RAB3C: variants seen among roughly 807,000 people sequenced by gnomAD.
The protein encoded by RAB3C is ras-related protein Rab-3C.
A neutral mutation model predicts 26.4 loss-of-function variants in RAB3C; 17 were observed. The observed-to-expected ratio is 0.64, with a 90% CI of 0.44 to 0.97. RAB3C has a LOEUF of 0.97. RAB3C is among the 50% of genes least tolerant of loss of function. The pLI is 0.00. For missense variants in RAB3C, 242 were observed against 281.9 expected (o/e 0.86, Z 1.01); for synonymous variants, 91 against 95.9 (o/e 0.95, Z 0.30).
At chr5:58,822,768 G>T (rs1368951503) in intron 3 of RAB3C, 2 of 550,752 alleles carry the variant, frequency 3.6e-6, no homozygotes, top group African/African-American at 3.8e-5. Flanking sequence ...CCAAAATAAG[G>T]TGTGAAGGTT....
chr5:58,738,206 C>T (rs867213923), intron 3 of RAB3C, among the ~76,000 whole-genome samples: 2 of 151,990 alleles, frequency 1.3e-5, no homozygotes, highest in Non-Finnish European at 1.5e-5. Flanking sequence ...ATTTGCTGCA[C>T]TTGGTTCTGG....
At chr5:58,822,795 C>T (rs1236892763) in intron 3 of RAB3C, 1 of 580,586 alleles carries the variant, frequency 1.7e-6, no homozygotes, top group Non-Finnish European at 3.3e-6. Context: ...ACAAATTATG[C>T]TGCAGCACAT....
chr5:58,686,966 GA>G (rs1001445601), intron 2 of RAB3C, among the ~76,000 whole-genome samples: 1 of 151,636 alleles, frequency 6.6e-6, no homozygotes, highest in Non-Finnish European at 1.5e-5. Flanking sequence ...AAATAGAGTT[GA>G]AAAAAAGAAA....
intron 3 of RAB3C, among the ~76,000 whole-genome samples, chr5:58,779,327 A>C (rs998342188): frequency 6.7e-6 from 1 of 149,024 alleles, no homozygotes; most frequent in Non-Finnish European, 1.5e-5. Context: ...GGAAATATAT[A>C]CATATATAAT....
At chr5:58,645,869 G>A (rs1383734121) in intron 2 of RAB3C, among the ~76,000 whole-genome samples, 11 of 151,742 alleles carry the variant, frequency 7.2e-5, no homozygotes, top group Admixed American at 7.2e-4. Flanking sequence ...GACCTGACTG[G>A]TCAGGTAGGG....
chr5:58,780,602 G>C (rs888972221), intron 3 of RAB3C, among the ~76,000 whole-genome samples: 18 of 152,070 alleles, frequency 1.2e-4, no homozygotes, highest in Non-Finnish European at 2.5e-4. Context: ...ATTTGCTTAT[G>C]CACTGGCTCC....
chr5:58,610,388 A>G (rs1746673493), intron 1 of RAB3C, among the ~76,000 whole-genome samples: 1 of 152,112 alleles, frequency 6.6e-6, no homozygotes, highest in Non-Finnish European at 1.5e-5. Flanking sequence ...GTTGCTCCAC[A>G]TCCTTGCCAG....
intron 1 of RAB3C, among the ~76,000 whole-genome samples, chr5:58,596,533 A>G (rs1746259068): frequency 7.5e-6 from 1 of 133,704 alleles, no homozygotes; most frequent in South Asian, 2.1e-4. Context: ...TATTATATAT[A>G]AATATATAAT....
intron 3 of RAB3C, among the ~76,000 whole-genome samples, chr5:58,734,660 T>G (rs2111934928): frequency 6.6e-6 from 1 of 152,322 alleles, no homozygotes; most frequent in South Asian, 2.1e-4. Context: ...TCCTCCGTTG[T>G]CTTTGCATCT....
intron 2 of RAB3C, among the ~76,000 whole-genome samples, chr5:58,723,309 A>T (rs550048530): frequency 1.4e-4 from 21 of 151,916 alleles, no homozygotes; most frequent in Admixed American, 1.2e-3. Context: ...TTTTCATCTT[A>T]CTTTTGAAAC....
At chr5:58,806,991 T>TG (rs1270415650) in intron 3 of RAB3C, among the ~76,000 whole-genome samples, 5 of 152,188 alleles carry the variant, frequency 3.3e-5, no homozygotes, top group African/African-American at 4.8e-5. Context: ...GAATTGGAAA[T>TG]GCGTTGGTGA....
intron 3 of RAB3C, among the ~76,000 whole-genome samples, chr5:58,801,334 T>A (rs1484368057): frequency 6.6e-6 from 1 of 152,140 alleles, no homozygotes; most frequent in East Asian, 1.9e-4. Flanking sequence ...CATGCAGTAT[T>A]TCATCATAGT....
intron 3 of RAB3C, among the ~76,000 whole-genome samples, chr5:58,753,323 G>T (rs1296180205): frequency 2.0e-5 from 3 of 152,136 alleles, no homozygotes; most frequent in Non-Finnish European, 4.4e-5. Flanking sequence ...TGAGATATAT[G>T]CTGTTTCCTT....
Position 58,817,677 on chromosome 5 carries a change from A to G in RAB3C, c.372-7361A>G, listed in dbSNP as rs184162543. ...CCTAATAATACGCAGCCCTGATAGC[A>G]TATACAAATCACCTGGAGATTTCTT... On this transcript the variant is annotated intron_variant, in intron 3 of 4. Transcript: ENST00000282878. 3.3e-5 allele frequency among the ~76,000 whole-genome samples: 5 copies of G among 152,320 alleles called. No individual in the cohort carries two copies. In the East Asian group the frequency reaches 9.6e-4, roughly 29 times the overall value.
intron 2 of RAB3C, among the ~76,000 whole-genome samples, chr5:58,685,724 T>C (rs1481876154): frequency 6.6e-6 from 1 of 152,178 alleles, no homozygotes; most frequent in African/African-American, 2.4e-5. Context: ...GTATCTACTA[T>C]GAGCTAGGCA....
chr5:58,715,842 C>T (rs1749159266), intron 2 of RAB3C, among the ~76,000 whole-genome samples: 1 of 151,890 alleles, frequency 6.6e-6, no homozygotes, highest in Admixed American at 6.6e-5. Context: ...GAGCTCGCCA[C>T]ATGAAGAAGA....
At chr5:58,745,854 C>T (rs915406992) in intron 3 of RAB3C, among the ~76,000 whole-genome samples, 1 of 152,116 alleles carries the variant, frequency 6.6e-6, no homozygotes, top group African/African-American at 2.4e-5. Context: ...ATAAATTTAT[C>T]CTCATATTTC....
intron 1 of RAB3C, among the ~76,000 whole-genome samples, chr5:58,591,961 C>T (rs1204027697): frequency 2.7e-5 from 4 of 148,672 alleles, no homozygotes; most frequent in South Asian, 4.2e-4. Context: ...TGCAGTGGCA[C>T]GATCTCGGCT....
At chr5:58,841,099 G>A (rs904241244) in intron 4 of RAB3C, among the ~76,000 whole-genome samples, 19 of 152,218 alleles carry the variant, frequency 1.2e-4, no homozygotes, top group Non-Finnish European at 7.3e-5. Context: ...CCACAGCCAT[G>A]TCTGCAGGGG....
Sources: allele counts gnomAD v4.1 joint callset (sites outside exome capture counted in the v4.1 genomes callset), GRCh38; gene constraint gnomAD v4.1.1; transcripts MANE v1.5; gene names NCBI Gene and HGNC (gene_info 2026-07-23, HGNC 2026-07-21).